The following SLC6A5 variants were observed in gnomAD, a reference collection of about 807,000 sequenced individuals.
The protein encoded by SLC6A5 is solute carrier family 6 member 5.
In SLC6A5, 58 loss-of-function variants were observed where a neutral mutation model predicts 90.5. That is an observed-to-expected ratio of 0.64 (90% confidence interval 0.52 to 0.80). The LOEUF (loss-of-function observed/expected upper bound fraction) is 0.80, where lower values mean the gene tolerates loss of function less well. Among genes scored for constraint, SLC6A5 ranks in the 30% least tolerant of loss-of-function variants. The pLI is 0.00. For missense variants in SLC6A5, 1,015 were observed against 1,017.6 expected (o/e 1.00, Z 0.03); for synonymous variants, 427 against 401.4 (o/e 1.06, Z -0.76).
intron 6 of SLC6A5, among the ~76,000 whole-genome samples, chr11:20,617,030 A>G (rs1852795200): frequency 6.6e-6 from 1 of 152,232 alleles, no homozygotes; most frequent in African/African-American, 2.4e-5. Flanking sequence ...ACTGTCCCTG[A>G]AGCTGCCTCC....
chr11:20,637,333 G>A, intron 12 of SLC6A5, 30 bp downstream of exon 12: 2 of 1,599,674 alleles, frequency 1.3e-6, no homozygotes, highest in Non-Finnish European at 1.7e-6. Flanking sequence ...CAGGCTTGGG[G>A]TGGGGGCAGG....
rs1231229269 is a variant in SLC6A5, at chr11:20,644,817, C to CT, written c.1970-2006dup. On this transcript the variant is annotated intron_variant, in intron 13 of 15. Transcript: ENST00000525748. ...GGGCCATTTTTTTCTTTTTCTTTTT[C>CT]TTTTTTTTTTTGAGACAGAGTTTCG... is the stretch of plus-strand genomic sequence containing the variant. 6.7e-3 allele frequency among the ~76,000 whole-genome samples: 979 copies of CT among 146,378 alleles called. 11 individuals carry two copies. The highest frequency in any genetic ancestry group is 0.021 in the African/African-American group (851 of 40,246).
Position 20,601,342 on chromosome 11 carries a change from G to A in SLC6A5, c.217G>A (p.Glu73Lys). 1 of 1,598,314 alleles carries A rather than the reference G, an allele frequency of 6.3e-7. No homozygotes were observed. The highest frequency in any genetic ancestry group is 8.5e-7 in the Non-Finnish European group (1 of 1,175,208). ...AGCGGACGCGCGAGCCTGCGAGGCT[G>A]AGCGGCCAGGAGTGGGGTCTTGCAA... is the stretch of plus-strand genomic sequence containing the variant. ...QSADARACEA[E>K]RPGVGSCKLS... The change falls in exon 2 of 16, where the codon GAG becomes AAG. Residue 73 changes from glutamate (E) to lysine (K), a missense_variant. Physicochemically the swap from Glu to Lys is moderately conservative, Grantham distance 56. This residue lies in a region of SLC6A5 where 567 missense variants were observed against 507.3 expected (regional missense o/e 1.12). Coordinates refer to ENST00000525748, the MANE Select transcript of SLC6A5 (RefSeq NM_004211.5).
chr11:20,614,544 G>T (rs1009017061), intron 5 of SLC6A5, 135 bp from the exon 6 acceptor site: 38 of 839,338 alleles, frequency 4.5e-5, no homozygotes, highest in Non-Finnish European at 7.0e-5. Context: ...GCTTTGCCCA[G>T]TTAATCCTTT....
At chr11:20,610,178 G>T (rs1852666188) in intron 5 of SLC6A5, among the ~76,000 whole-genome samples, 1 of 152,174 alleles carries the variant, frequency 6.6e-6, no homozygotes, top group African/African-American at 2.4e-5. Context: ...AATTTAGCAC[G>T]ATCATTATCG....
intron 9 of SLC6A5, among the ~76,000 whole-genome samples, 194 bp from the exon 10 acceptor site, chr11:20,630,497 T>C (rs1853087357): frequency 6.6e-6 from 1 of 152,342 alleles, no homozygotes; most frequent in African/African-American, 2.4e-5. Flanking sequence ...ATCAGGGCTA[T>C]TAGGGGATAT....
At chr11:20,645,299 G>C (rs1245490581) in intron 13 of SLC6A5, among the ~76,000 whole-genome samples, 2 of 152,104 alleles carry the variant, frequency 1.3e-5, no homozygotes, top group African/African-American at 4.8e-5. Context: ...GGACTGAGGT[G>C]GGGGTGGTGG....
In SLC6A5 at chr11:20,656,386, T is replaced by G. The variant is rs1853637423; in HGVS notation, c.*1518T>G. On this transcript the variant is annotated 3_prime_UTR_variant, in exon 16 of 16. Transcript: ENST00000525748. The stretch of plus-strand genomic sequence containing the variant: ...TTTAGGGGAGATCATTTCAATCATT[T>G]TCTTCATTTATCTTCATAGTACAGG... 6.6e-6 allele frequency: 1 copy of G among 152,218 alleles called. No homozygotes were observed. Among genetic ancestry groups the G allele is most frequent in the African/African-American group, 2.4e-5 (1 of 41,448 alleles). 9.4% of individuals were successfully genotyped at this position (152,218 alleles called of 1,614,324 possible).
intron 5 of SLC6A5, among the ~76,000 whole-genome samples, chr11:20,608,446 G>A (rs372388835): frequency 6.6e-4 from 101 of 152,324 alleles, no homozygotes; most frequent in African/African-American, 2.4e-3. Flanking sequence ...TCTGGGTCAA[G>A]TAACTCTCTC....
In SLC6A5 at chr11:20,652,299, G is replaced by A; in HGVS notation, c.2081G>A (p.Cys694Tyr). 1 of 1,614,112 alleles carries A rather than the reference G, an allele frequency of 6.2e-7. No individual in the cohort carries two copies. The highest frequency in any genetic ancestry group is 1.1e-5 in the South Asian group (1 of 91,076). Residue 694 changes from cysteine (C) to tyrosine (Y), a missense_variant, in exon 15 of 16, where the codon TGC becomes TAC. By Grantham distance (194) the Cys-to-Tyr change is radical (BLOSUM62 -2). Around this residue, in one of 3 missense-constraint regions of SLC6A5, gnomAD observed 442 missense variants for 494.3 expected, o/e 0.89. Transcript: ENST00000525748. ...CTTTTCTCTTTCCAGTTTATCCTTT[G>A]CTTCAGCTTTTACCAGTGGGAGCCC... ...VTPTILTFIL[C>Y]FSFYQWEPMT... is the part of the protein sequence containing the mutation.
intron 14 of SLC6A5, among the ~76,000 whole-genome samples, chr11:20,650,887 C>T (rs1008829691): frequency 2.0e-4 from 30 of 151,430 alleles, no homozygotes; most frequent in African/African-American, 7.1e-4. Flanking sequence ...AGGATGGTCT[C>T]GATCTCCTGA....
At position 20,601,175 on chromosome 11, in the gene SLC6A5, C is replaced by G. The variant is rs758653744; in HGVS notation, c.50C>G (p.Pro17Arg). The G allele has an allele frequency of 1.3e-6, 2 of 1,588,986 alleles. No homozygotes were observed. Among genetic ancestry groups the G allele is most frequent in the Admixed American group, 1.7e-5 (1 of 58,846 alleles). Residue 17 changes from proline to arginine, a missense_variant, in exon 2 of 16, where the codon CCG becomes CGG. Around this residue, in one of 3 missense-constraint regions of SLC6A5, gnomAD observed 567 missense variants for 507.3 expected, o/e 1.12. Transcript: ENST00000525748. ...ATGAATAAACTGCCAGCCAACAGCC[C>G]GGAGGCGGCGGCGGCGCAGGGCCAC... The part of the protein sequence containing the change: ...KEMNKLPANS[P>R]EAAAAQGHPD...
chr11:20,599,657 G>A lies in SLC6A5; in HGVS notation c.-16G>A. ...GTTTCACCCTCCACCAGTTCAGTCT[G>A]TTGCCTGTGTCAGACATGGTGAGTG... is the stretch of plus-strand genomic sequence containing the variant. On this transcript the variant is annotated 5_prime_UTR_variant, in exon 1 of 16. Coordinates refer to ENST00000525748, the MANE Select transcript of SLC6A5 (RefSeq NM_004211.5). The A allele has an allele frequency of 6.2e-7, 1 of 1,614,060 alleles. No individual in the cohort carries two copies. The highest frequency in any genetic ancestry group is 8.5e-7 in the Non-Finnish European group (1 of 1,180,024).
At chr11:20,620,032 A>G (rs1852860341) in intron 7 of SLC6A5, among the ~76,000 whole-genome samples, 1 of 152,136 alleles carries the variant, frequency 6.6e-6, no homozygotes, top group African/African-American at 2.4e-5. Flanking sequence ...TGGGAGTTTC[A>G]TCATCTCCAA....
At chr11:20,600,983 C>T in intron 1 of SLC6A5, 146 bp from the exon 2 acceptor site, 3 of 758,618 alleles carry the variant, frequency 4.0e-6, no homozygotes, top group Non-Finnish European at 4.1e-6. Context: ...TGATTGCAGC[C>T]TTTCTTTTAA....
intron 7 of SLC6A5, 132 bp downstream of exon 7, chr11:20,618,016 A>T: frequency 5.5e-6 from 5 of 917,384 alleles, no homozygotes; most frequent in Non-Finnish European, 8.8e-6. Context: ...GGAGCAGCTG[A>T]GGGGCTGTGA....
chr11:20,640,708 AAAAG>A (rs1202009658), intron 13 of SLC6A5, among the ~76,000 whole-genome samples: 1 of 152,088 alleles, frequency 6.6e-6, no homozygotes, highest in Non-Finnish European at 1.5e-5. Context: ...AAAAAAAAAA[AAAAG>A]AAGAAAAAAG....
chr11:20,617,690 G>A (rs950643287), intron 6 of SLC6A5, 62 bp from the exon 7 acceptor site: 18 of 1,500,746 alleles, frequency 1.2e-5, no homozygotes, highest in Non-Finnish European at 1.7e-5. Flanking sequence ...AAAGCCTACT[G>A]CCTGTCACCT....
chr11:20,608,940 C>G (rs995875014), intron 5 of SLC6A5, among the ~76,000 whole-genome samples: 3,260 of 124,986 alleles, frequency 0.026, 122 homozygotes, highest in African/African-American at 0.088. Flanking sequence ...CTCTCTCTCT[C>G]TCTCTCTCTC....
Sources: allele counts gnomAD v4.1 joint callset (sites outside exome capture counted in the v4.1 genomes callset), GRCh38; gene constraint gnomAD v4.1.1; regional missense constraint gnomAD v4.1.1; transcripts MANE v1.5; gene names NCBI Gene and HGNC (gene_info 2026-07-23, HGNC 2026-07-21).